The following PRH1 variants were observed in gnomAD, a reference collection of about 807,000 sequenced individuals.
PRH1 encodes proline rich protein HaeIII subfamily 1.
A neutral mutation model predicts 7.9 loss-of-function variants in PRH1; 7 were observed. The observed-to-expected ratio is 0.89, with a 90% CI of 0.50 to 1.67. PRH1 has a LOEUF of 1.67. Among genes scored for constraint, PRH1 ranks in the 40% most tolerant of loss-of-function variants. The pLI is 0.00. For missense variants in PRH1, 109 were observed against 223.6 expected (o/e 0.49, Z 3.27); for synonymous variants, 45 against 80.8 (o/e 0.56, Z 2.38).
intron 1 of PRH1, among the ~76,000 whole-genome samples, chr12:11,126,199 T>C (rs897712453): frequency 6.6e-6 from 1 of 152,268 alleles, no homozygotes; most frequent in African/African-American, 2.4e-5. Flanking sequence ...ATATACACCT[T>C]CTTGTTGATA....
intron 2 of PRH1, among the ~76,000 whole-genome samples, chr12:10,956,235 C>T (rs78296485): frequency 0.015 from 2,314 of 152,248 alleles, 21 homozygotes; most frequent in South Asian, 0.031. Context: ...CATAATCAAG[C>T]AGGCTTTATC....
At chr12:10,917,057 CAGTG>C (rs1949982117) in intron 2 of PRH1, among the ~76,000 whole-genome samples, 1 of 151,966 alleles carries the variant, frequency 6.6e-6, no homozygotes, top group Non-Finnish European at 1.5e-5. Context: ...GCCTGGGTGA[CAGTG>C]AGACTCATAT....
At chr12:11,025,901 A>G (rs1373917507) in intron 1 of PRH1, among the ~76,000 whole-genome samples, 4 of 152,292 alleles carry the variant, frequency 2.6e-5, no homozygotes, top group African/African-American at 4.8e-5. Flanking sequence ...ATCATTTTCT[A>G]TGGGGAAACT....
chr12:11,076,782 A>C (rs1944308691), intron 1 of PRH1: 1 of 115,366 alleles, frequency 8.7e-6, no homozygotes, highest in Admixed American at 8.8e-5. Context: ...CTTTGTCACT[A>C]AAATTTTATT....
chr12:11,083,830 T>C (rs956546220), intron 1 of PRH1, among the ~76,000 whole-genome samples: 2 of 137,790 alleles, frequency 1.5e-5, no homozygotes, highest in African/African-American at 5.1e-5. Flanking sequence ...TTATACTGAA[T>C]CATTTTTCAA....
intron 1 of PRH1, among the ~76,000 whole-genome samples, chr12:11,018,499 G>T (rs990990988): frequency 6.7e-6 from 1 of 148,270 alleles, no homozygotes; most frequent in Non-Finnish European, 1.5e-5. Flanking sequence ...CCTGGGACTT[G>T]AATGTATCTG....
chr12:10,993,594 C>T (rs113991958), intron 1 of PRH1, among the ~76,000 whole-genome samples: 482 of 152,276 alleles, frequency 3.2e-3, no homozygotes, highest in South Asian at 0.013. Flanking sequence ...ACATCTATTT[C>T]CTGTCACTAA....
intron 1 of PRH1, among the ~76,000 whole-genome samples, chr12:10,984,489 A>C (rs1939507512): frequency 6.6e-6 from 1 of 151,698 alleles, no homozygotes; most frequent in South Asian, 2.1e-4. Flanking sequence ...TTACTGCTTT[A>C]TTCACCAATT....
chr12:11,030,836 T>G (rs750544925), intron 1 of PRH1: 1 of 1,614,152 alleles, frequency 6.2e-7, no homozygotes, highest in African/African-American at 1.3e-5. Flanking sequence ...ACTCCTCAAT[T>G]TGATCTTCCA....
chr12:11,013,259 A>C (rs1269405719), intron 1 of PRH1, among the ~76,000 whole-genome samples: 9 of 152,186 alleles, frequency 5.9e-5, no homozygotes, highest in Non-Finnish European at 1.3e-4. Context: ...AGTAGACAAA[A>C]GAACAATGAA....
upstream of PRH1, among the ~76,000 whole-genome samples, chr12:10,885,523 GC>G (rs1285209097): frequency 6.6e-6 from 1 of 151,920 alleles, no homozygotes; most frequent in African/African-American, 2.4e-5. Context: ...TTTCCAAAAA[GC>G]CCTGTCAGGG....
intron 1 of PRH1, among the ~76,000 whole-genome samples, chr12:11,024,074 T>A (rs559108439): frequency 6.6e-6 from 1 of 152,246 alleles, no homozygotes; most frequent in Non-Finnish European, 1.5e-5. Flanking sequence ...GCAGGTAACA[T>A]CATGTCAAGT....
At chr12:11,054,795 CTTTTTTTTTTTT>C (rs71051560) in intron 1 of PRH1, among the ~76,000 whole-genome samples, 2 of 52,782 alleles carry the variant, frequency 3.8e-5, no homozygotes, top group African/African-American at 6.8e-5. Flanking sequence ...TCTGATGTTT[CTTTTTTTTTTTT>C]TTTTTTTTTT....
At chr12:11,118,601 T>A (rs943759147), downstream of PRH1, among the ~76,000 whole-genome samples, 1 of 152,168 alleles carries the variant, frequency 6.6e-6, no homozygotes, top group African/African-American at 2.4e-5. Context: ...AGTAAGTGTA[T>A]CAAACAGGTA....
chr12:11,119,316 C>A (rs1201669374), downstream of PRH1, among the ~76,000 whole-genome samples: 10 of 147,620 alleles, frequency 6.8e-5, no homozygotes, highest in African/African-American at 1.3e-4. Context: ...TAATGGCTAC[C>A]AAAAAAAAAA....
At chr12:11,112,890 T>C (rs964261196) in intron 1 of PRH1, among the ~76,000 whole-genome samples, 1 of 152,124 alleles carries the variant, frequency 6.6e-6, no homozygotes, top group Admixed American at 6.6e-5. Flanking sequence ...GGATTGTATA[T>C]TTAGAAAAAC....
At chr12:11,125,289 ACC>A (rs2136336301) in intron 1 of PRH1, among the ~76,000 whole-genome samples, 1 of 152,410 alleles carries the variant, frequency 6.6e-6, no homozygotes, top group East Asian at 1.9e-4. Context: ...AGTAAAATTG[ACC>A]TCCAGCAAAG....
chr12:10,908,583 A>C, intron 2 of PRH1: 1 of 1,614,008 alleles, frequency 6.2e-7, no homozygotes, highest in Non-Finnish European at 8.5e-7. Context: ...AGCATAGAAT[A>C]AAAGGAATGA....
At chr12:10,988,222 C>T (rs1402245434) in intron 1 of PRH1, among the ~76,000 whole-genome samples, 3 of 152,046 alleles carry the variant, frequency 2.0e-5, no homozygotes, top group Non-Finnish European at 4.4e-5. Flanking sequence ...AAATATCTAA[C>T]GTAGTTTTGG....
Sources: gnomAD v4.1 joint callset for allele counts (sites outside exome capture counted in the v4.1 genomes callset) on GRCh38, gnomAD v4.1.1 for gene constraint, MANE v1.5 for transcripts, NCBI Gene and HGNC (gene_info 2026-07-23, HGNC 2026-07-21) for gene names.